The following ZFP1 variants were observed in gnomAD, a reference collection of about 807,000 sequenced individuals.
ZFP1 encodes the protein ZFP1 zinc finger protein, also known as zinc finger protein 1 homolog.
Under a neutral mutation model 38.5 loss-of-function variants are expected in ZFP1, and 32 were observed. That is an observed-to-expected ratio of 0.83 (90% CI 0.63 to 1.12). The LOEUF is 1.12. Ranked by LOEUF, ZFP1 falls within the 50% of genes most tolerant of loss-of-function variation. The probability of loss-of-function intolerance (pLI) is 0.00; values close to 1 mark genes in which losing one functional copy is unlikely to be tolerated. For missense variants in ZFP1, 616 were observed against 480.8 expected (o/e 1.28, Z -2.63); for synonymous variants, 245 against 168.8 (o/e 1.45, Z -3.50).
chr16:75,131,723 G>A, the ZFP1 span, among the ~76,000 whole-genome samples: 2 of 152,160 alleles, frequency 1.3e-5, no homozygotes, highest in African/African-American at 4.8e-5. Context: ...CAGCACTTTG[G>A]GAGGCCGAAG....
the ZFP1 span, among the ~76,000 whole-genome samples, chr16:75,139,741 C>T: frequency 1.3e-5 from 2 of 151,968 alleles, no homozygotes; most frequent in African/African-American, 4.8e-5. Flanking sequence ...TTAGAGTCAT[C>T]AAAATTCATA....
intron 2 of ZFP1, among the ~76,000 whole-genome samples, chr16:75,163,976 G>C (rs1246298712): frequency 6.6e-6 from 1 of 152,166 alleles, no homozygotes; most frequent in Admixed American, 6.5e-5. Context: ...CCATCATAGA[G>C]ATAACCAGTA....
chr16:75,148,052 G>C (rs2036978339), upstream of ZFP1, among the ~76,000 whole-genome samples: 1 of 152,060 alleles, frequency 6.6e-6, no homozygotes, highest in South Asian at 2.1e-4. Flanking sequence ...CAACAAAGTG[G>C]CCTGGGAAAA....
intron 2 of ZFP1, among the ~76,000 whole-genome samples, chr16:75,159,520 A>G (rs947725569): frequency 7.1e-6 from 1 of 140,870 alleles, no homozygotes; most frequent in Non-Finnish European, 1.5e-5. Flanking sequence ...CAACCCTCCC[A>G]CCCCAGCCTC....
At chr16:75,122,210 A>G in the ZFP1 span, among the ~76,000 whole-genome samples, 1 of 152,244 alleles carries the variant, frequency 6.6e-6, no homozygotes, top group Non-Finnish European at 1.5e-5. Context: ...TCATGCAGGT[A>G]GCCCCTACTG....
chr16:75,166,185 A>C (rs2038071560), intron 2 of ZFP1, among the ~76,000 whole-genome samples: 1 of 152,204 alleles, frequency 6.6e-6, no homozygotes, highest in African/African-American at 2.4e-5. Context: ...GCACACTGGT[A>C]ACAATGAATA....
At chr16:75,130,076 A>C in the ZFP1 span, among the ~76,000 whole-genome samples, 1 of 152,032 alleles carries the variant, frequency 6.6e-6, no homozygotes, top group African/African-American at 2.4e-5. Flanking sequence ...GGCTCACTGC[A>C]ACCTCCACCT....
chr16:75,167,368 C>T (rs1177301177), intron 3 of ZFP1, among the ~76,000 whole-genome samples: 1 of 151,584 alleles, frequency 6.6e-6, no homozygotes, highest in Non-Finnish European at 1.5e-5. Context: ...TGAAGCATAC[C>T]TCCAAATATC....
chr16:75,125,028 G>A, the ZFP1 span, among the ~76,000 whole-genome samples: 561 of 152,130 alleles, frequency 3.7e-3, 1 homozygote, highest in Middle Eastern at 6.8e-3. Context: ...TTGGGAGGCC[G>A]AGGTGGGTGG....
chr16:75,140,794 C>A, the ZFP1 span, among the ~76,000 whole-genome samples: 2 of 152,138 alleles, frequency 1.3e-5, no homozygotes, highest in Non-Finnish European at 2.9e-5. Context: ...CCCGTCTCTA[C>A]TAAAAATACA....
At chr16:75,129,126 C>G in the ZFP1 span, among the ~76,000 whole-genome samples, 1 of 152,112 alleles carries the variant, frequency 6.6e-6, no homozygotes, top group Non-Finnish European at 1.5e-5. Flanking sequence ...GTATGGACTT[C>G]GGAGTAATGT....
At chr16:75,154,819 A>G (rs1275763604) in intron 2 of ZFP1, among the ~76,000 whole-genome samples, 1 of 151,834 alleles carries the variant, frequency 6.6e-6, no homozygotes, top group African/African-American at 2.4e-5. Flanking sequence ...TTTTTTTGAG[A>G]TGGAGTCTTG....
At chr16:75,165,642 T>G (rs2038034307) in intron 2 of ZFP1, among the ~76,000 whole-genome samples, 1 of 151,994 alleles carries the variant, frequency 6.6e-6, no homozygotes, top group Non-Finnish European at 1.5e-5. Flanking sequence ...CCACCTCGGC[T>G]TCCTAAAGTG....
chr16:75,147,880 C>T (rs540523760), upstream of ZFP1, among the ~76,000 whole-genome samples: 1 of 152,256 alleles, frequency 6.6e-6, no homozygotes, highest in African/African-American at 2.4e-5. Flanking sequence ...ATATTGTGTA[C>T]TTGAAATTTG....
chr16:75,130,173 G>GTATTTT, the ZFP1 span, among the ~76,000 whole-genome samples: 5 of 151,894 alleles, frequency 3.3e-5, no homozygotes, highest in African/African-American at 9.7e-5. Context: ...GCTAAGTTTT[G>GTATTTT]TATTTTTAGT....
the ZFP1 span, among the ~76,000 whole-genome samples, chr16:75,119,216 G>T: frequency 2.0e-5 from 3 of 152,160 alleles, no homozygotes; most frequent in African/African-American, 7.2e-5. Flanking sequence ...AACCACAGAA[G>T]AATTCTGACT....
chr16:75,147,698 A>T (rs2036971665), upstream of ZFP1, among the ~76,000 whole-genome samples: 1 of 152,044 alleles, frequency 6.6e-6, no homozygotes, highest in South Asian at 2.1e-4. Flanking sequence ...GTTATATGGG[A>T]ATTCAATGTA....
At chr16:75,148,397 G>C (rs956163361), upstream of ZFP1, 1 of 152,260 alleles carries the variant, frequency 6.6e-6, no homozygotes, top group African/African-American at 2.4e-5. Context: ...AGTCCCTAAA[G>C]CCGCGGCCCC....
intron 1 of ZFP1, among the ~76,000 whole-genome samples, chr16:75,151,161 C>T (rs1277030046): frequency 1.3e-5 from 2 of 151,974 alleles, no homozygotes; most frequent in Non-Finnish European, 2.9e-5. Context: ...GCCTGACCCT[C>T]TTTTTCCATT....
Sources: allele counts gnomAD v4.1 joint callset (sites outside exome capture counted in the v4.1 genomes callset), GRCh38; gene constraint gnomAD v4.1.1; transcripts MANE v1.5; gene names NCBI Gene and HGNC (gene_info 2026-07-23, HGNC 2026-07-21).